Variants in KIAA0319L observed in about 807,000 individuals in gnomAD.
KIAA0319L encodes the protein dyslexia-associated protein KIAA0319-like protein.
In KIAA0319L, 55 loss-of-function variants were observed where a neutral mutation model predicts 120.1. The observed-to-expected ratio is 0.46, with a 90% CI of 0.37 to 0.57. The LOEUF (loss-of-function observed/expected upper bound fraction) is 0.57. Among genes scored for constraint, KIAA0319L ranks in the 20% least tolerant of loss-of-function variants. The probability of loss-of-function intolerance (pLI) is 0.00; values close to 1 mark genes in which losing one functional copy is unlikely to be tolerated. For missense variants in KIAA0319L, 1,049 were observed against 1,255.3 expected, an observed-to-expected ratio of 0.84 and a Z score of 2.48; for synonymous variants, 398 against 471.9, an observed-to-expected ratio of 0.84 and a Z score of 2.03.
intron 2 of KIAA0319L, among the ~76,000 whole-genome samples, chr1:35,527,448 A>G (rs186385250): frequency 1.9e-4 from 29 of 152,240 alleles, no homozygotes; most frequent in African/African-American, 6.3e-4. Context: ...TGCGTCTTCT[A>G]TTTCTTGGAC....
Position 35,451,608 on chromosome 1 carries a change from A to G in KIAA0319L, c.2062+20T>C, listed in dbSNP as rs775636457. Reference sequence around the variant, plus strand: ...TCTGACCCTAAGAGGCTGCTACACAAACTGGAGGCAGAGAGGTACCTTCTT... The same window carrying G: ...TCTGACCCTAAGAGGCTGCTACACAGACTGGAGGCAGAGAGGTACCTTCTT... On this transcript the variant is annotated intron_variant, in intron 13 of 20. Transcript: ENST00000325722. 6.2e-7 allele frequency: 1 copy of G among 1,611,942 alleles called. No homozygotes were observed. Among genetic ancestry groups the G allele is most frequent in the African/African-American group, 1.3e-5 (1 of 74,882 alleles).
chr1:35,524,500 A>G (rs186898558), intron 2 of KIAA0319L, among the ~76,000 whole-genome samples: 16 of 152,330 alleles, frequency 1.1e-4, no homozygotes, highest in Non-Finnish European at 1.5e-5. Flanking sequence ...TGAGGGAAGA[A>G]AGAACTTGAG....
chr1:35,507,674 T>C (rs1645258135), intron 2 of KIAA0319L, among the ~76,000 whole-genome samples: 2 of 152,238 alleles, frequency 1.3e-5, no homozygotes. Context: ...CCTCATGCAG[T>C]TAATAGGCAC....
At chr1:35,516,625 T>C (rs777605576) in intron 2 of KIAA0319L, among the ~76,000 whole-genome samples, 4 of 152,182 alleles carry the variant, frequency 2.6e-5, no homozygotes, top group East Asian at 1.9e-4. Context: ...GCTGGAAGCA[T>C]TCCCTTCGAA....
chr1:35,433,869 T>G lies in KIAA0319L; in HGVS notation c.*1025A>C, dbSNP rs1489852358. On this transcript the variant is annotated 3_prime_UTR_variant, in exon 21 of 21. Transcript: ENST00000325722. ...CCAGTCCATCTGGGGCTATCTCCTC[T>G]GGGGACAGGGAGCGGTGGCCTAAGC... 2 of 152,410 alleles carry G rather than the reference T, an allele frequency of 1.3e-5. No individual in the cohort carries two copies. Among genetic ancestry groups the G allele is most frequent in the Non-Finnish European group, 2.9e-5 (2 of 68,220 alleles). The allele number at this position is 152,410 out of a possible 1,614,324, so 9.4% of individuals were successfully genotyped here.
At chr1:35,555,350 C>T (rs776495996) in intron 1 of KIAA0319L, among the ~76,000 whole-genome samples, 30 of 152,198 alleles carry the variant, frequency 2.0e-4, no homozygotes, top group Non-Finnish European at 3.8e-4. Flanking sequence ...ACACAGGCTG[C>T]CAACCCCTAA....
chr1:35,526,476 C>T (rs1056941801), intron 2 of KIAA0319L, among the ~76,000 whole-genome samples: 45 of 148,512 alleles, frequency 3.0e-4, no homozygotes, highest in Non-Finnish European at 3.9e-4. Flanking sequence ...GACAGGATCT[C>T]GCTTTGTTGC....
intron 4 of KIAA0319L, among the ~76,000 whole-genome samples, chr1:35,477,410 G>C (rs1237501145): frequency 6.6e-6 from 1 of 152,206 alleles, no homozygotes; most frequent in African/African-American, 2.4e-5. Flanking sequence ...GCTCACGCCT[G>C]TAATCCCAGC....
chr1:35,537,770 T>C (rs1646639882), intron 2 of KIAA0319L, among the ~76,000 whole-genome samples: 1 of 152,116 alleles, frequency 6.6e-6, no homozygotes, highest in South Asian at 2.1e-4. Flanking sequence ...TGTGTGTAAA[T>C]GAAAGCAAAA....
chr1:35,459,653 C>T (rs991313464), intron 9 of KIAA0319L, among the ~76,000 whole-genome samples: 1 of 151,688 alleles, frequency 6.6e-6, no homozygotes, highest in African/African-American at 2.4e-5. Context: ...TCAGAGAAGC[C>T]TCATTTTTCT....
intron 15 of KIAA0319L, 64 bp from the exon 16 acceptor site, chr1:35,448,396 T>C (rs1206617817): frequency 2.0e-6 from 3 of 1,470,050 alleles, no homozygotes; most frequent in African/African-American, 2.8e-5. Flanking sequence ...CCTGCCACTG[T>C]GCATTTGCTT....
chr1:35,465,555 G>A (rs1164470954), intron 7 of KIAA0319L, among the ~76,000 whole-genome samples: 1 of 152,220 alleles, frequency 6.6e-6, no homozygotes, highest in Non-Finnish European at 1.5e-5. Context: ...TCTCAGATGA[G>A]ACATTGGACT....
chr1:35,463,032 C>T (rs1643006357), intron 7 of KIAA0319L, among the ~76,000 whole-genome samples: 4 of 152,190 alleles, frequency 2.6e-5, no homozygotes, highest in Admixed American at 2.6e-4. Flanking sequence ...AATCTAATGC[C>T]ATCACTGATC....
intron 2 of KIAA0319L, among the ~76,000 whole-genome samples, chr1:35,547,556 T>G (rs1322622899): frequency 1.3e-5 from 2 of 152,064 alleles, no homozygotes; most frequent in East Asian, 3.8e-4. Flanking sequence ...TATTCAGCCA[T>G]AAAAAGAAAT....
At position 35,451,704 on chromosome 1, in the gene KIAA0319L, G is replaced by A; in HGVS notation, c.1986C>T (p.Thr662=). 2 of 1,614,064 alleles carry A rather than the reference G, an allele frequency of 1.2e-6. No homozygotes were observed. Among genetic ancestry groups the A allele is most frequent in the Middle Eastern group, 1.6e-4 (1 of 6,062 alleles). The change falls in exon 13 of 21, where the codon ACC becomes ACT. Residue 662 remains threonine (T), a synonymous_variant. Coordinates refer to ENST00000325722, the MANE Select transcript of KIAA0319L (RefSeq NM_024874.5). Reference sequence around the variant, plus strand: ...CTTTGACAGTCAAGGTGAACACATAGGTCCCCACTTGCAGCCCAGTCACAG... The same window carrying A: ...CTTTGACAGTCAAGGTGAACACATAAGTCCCCACTTGCAGCCCAGTCACAG... ...VATVTGLQVG[T]YVFTLTVKDE...
chr1:35,499,814 A>AAAC (rs935343820), intron 3 of KIAA0319L, among the ~76,000 whole-genome samples: 1 of 151,894 alleles, frequency 6.6e-6, no homozygotes, highest in Non-Finnish European at 1.5e-5. Context: ...AACAAACCCA[A>AAAC]AACAACAACA....
At chr1:35,482,796 G>T (rs950345284) in intron 3 of KIAA0319L, among the ~76,000 whole-genome samples, 14 of 152,054 alleles carry the variant, frequency 9.2e-5, no homozygotes, top group African/African-American at 3.4e-4. Flanking sequence ...TAGAACCCCC[G>T]ATCAATGTAC....
intron 2 of KIAA0319L, among the ~76,000 whole-genome samples, chr1:35,512,856 G>A: frequency 8.1e-6 from 1 of 123,692 alleles, no homozygotes; most frequent in Admixed American, 1.0e-4. Flanking sequence ...TGGGCAACAG[G>A]ACGAGACTCC....
At chr1:35,490,601 TATTATG>T (rs1203181359) in intron 3 of KIAA0319L, among the ~76,000 whole-genome samples, 1 of 152,192 alleles carries the variant, frequency 6.6e-6, no homozygotes, top group Admixed American at 6.5e-5. Context: ...TTAAAATAAG[TATTATG>T]ATTATATTTC....
Sources: gnomAD v4.1 joint callset for allele counts (sites outside exome capture counted in the v4.1 genomes callset) on GRCh38, gnomAD v4.1.1 for gene constraint, MANE v1.5 for transcripts, NCBI Gene and HGNC (gene_info 2026-07-23, HGNC 2026-07-21) for gene names.